PREX1: variants seen among roughly 807,000 people sequenced by gnomAD.
The protein encoded by PREX1 is phosphatidylinositol 3,4,5-trisphosphate-dependent Rac exchanger 1 protein.
Under a neutral mutation model 198.3 loss-of-function variants are expected in PREX1, and 41 were observed. The observed-to-expected ratio is 0.21, with a 90% CI of 0.16 to 0.27. The LOEUF is 0.27. PREX1 is among the 10% of genes least tolerant of loss of function. PREX1 has a pLI of 1.00. For synonymous variants in PREX1, 843 were observed against 887.2 expected, an observed-to-expected ratio of 0.95 and a Z score of 0.89; for missense variants, 1,620 against 2,200.7, an observed-to-expected ratio of 0.74 and a Z score of 5.28.
At chr20:48,737,215 C>CAAAAAAAAA (rs140010281) in intron 3 of PREX1, among the ~76,000 whole-genome samples, 1 of 35,262 alleles carries the variant, frequency 2.8e-5, no homozygotes, top group Non-Finnish European at 5.1e-5. Flanking sequence ...GTTTTGACAG[C>CAAAAAAAAA]AAAAAAAAAA....
intron 11 of PREX1, among the ~76,000 whole-genome samples, chr20:48,680,589 T>C (rs2089743160): frequency 1.3e-5 from 2 of 152,098 alleles, no homozygotes; most frequent in Admixed American, 6.6e-5. Context: ...CTCCCTGCTA[T>C]TCCCTGCACA....
intron 1 of PREX1, among the ~76,000 whole-genome samples, chr20:48,749,135 G>A (rs919641674): frequency 6.6e-6 from 1 of 152,108 alleles, no homozygotes; most frequent in Non-Finnish European, 1.5e-5. Context: ...AGCACCTAAG[G>A]GAGACCGAGG....
At chr20:48,762,040 T>C (rs2090182819) in intron 1 of PREX1, among the ~76,000 whole-genome samples, 1 of 152,200 alleles carries the variant, frequency 6.6e-6, no homozygotes, top group Non-Finnish European at 1.5e-5. Context: ...TGTGAACACC[T>C]GAGTGTGAGA....
chr20:48,827,780 G>A lies in PREX1; in HGVS notation c.81C>T (p.Ala27=), dbSNP rs1304347957. 2 of 1,142,314 alleles carry A rather than the reference G, an allele frequency of 1.8e-6. No homozygotes were observed. Among genetic ancestry groups the A allele is most frequent in the African/African-American group, 3.3e-5 (2 of 60,424 alleles). The allele number at this position is 1,142,314 out of a possible 1,614,324, so 70.8% of individuals were successfully genotyped here. A position where few individuals can be genotyped will look rare whatever the true frequency, so the allele number is the denominator to read the frequency against. ...GGCCGGGGCCGGAGCTGGGCGCCGC[G>A]GCGCCAGGGGCCCGGGGGTCCGGGT... ...CAHPDPRAPG[A]AAPSSGPGPC... The change falls in exon 1 of 40, where the codon GCC becomes GCT. Residue 27 remains alanine (A), a synonymous_variant. Transcript: ENST00000371941. The surrounding 1 kb of genome is among the most constrained non-coding windows in gnomAD (Gnocchi z 4.1).
At position 48,651,420 on chromosome 20, in the gene PREX1, G is replaced by A. The variant is rs143006779; in HGVS notation, c.2631C>T (p.Arg877=). The A allele has an allele frequency of 5.5e-5, 89 of 1,610,222 alleles. No individual in the cohort carries two copies. In the African/African-American group the frequency reaches 7.7e-4, roughly 14 times the overall value. ...CCTTGGCGGTGAGGCCGAAGCAGCC[G>A]CGGGGCTCCACGATCTTCTCCAGCA... ...CHVLEKIVEP[R]GCFGLTAKIL... The change falls in exon 22 of 40, where the codon CGC becomes CGT. Residue 877 remains arginine (R), a synonymous_variant. Coordinates refer to ENST00000371941, the MANE Select transcript of PREX1 (RefSeq NM_020820.4).
At chr20:48,769,810 C>A (rs1555139) in intron 1 of PREX1, among the ~76,000 whole-genome samples, 1 of 152,076 alleles carries the variant, frequency 6.6e-6, no homozygotes, top group East Asian at 1.9e-4. Context: ...GCAGCCCAGC[C>A]CTCTAATTTT....
At chr20:48,722,038 T>C (rs1191491606) in intron 5 of PREX1, among the ~76,000 whole-genome samples, 2 of 152,046 alleles carry the variant, frequency 1.3e-5, no homozygotes, top group East Asian at 3.9e-4. Flanking sequence ...GACACTCAAA[T>C]GCAGAAACTC....
chr20:48,816,703 C>A (rs116975907), intron 1 of PREX1, among the ~76,000 whole-genome samples: 1 of 152,042 alleles, frequency 6.6e-6, no homozygotes, highest in Non-Finnish European at 1.5e-5. Flanking sequence ...ATGGGGACCC[C>A]GGCTCCACAA....
chr20:48,656,634 C>T (rs759415710), intron 18 of PREX1: 33 of 441,384 alleles, frequency 7.5e-5, no homozygotes, highest in Admixed American at 1.7e-4. Context: ...CACCCCGACT[C>T]GCAGTGACGT....
the PREX1 span, among the ~76,000 whole-genome samples, chr20:48,884,136 C>T: frequency 1.2e-5 from 1 of 80,312 alleles, no homozygotes; most frequent in African/African-American, 4.1e-5. Context: ...AAAACTCCGT[C>T]TAAAAAAAAA....
chr20:48,770,097 T>G (rs2090228391), intron 1 of PREX1, among the ~76,000 whole-genome samples: 1 of 152,184 alleles, frequency 6.6e-6, no homozygotes, highest in African/African-American at 2.4e-5. Context: ...TCTTTACCAA[T>G]TAAAAAGAAC....
intron 35 of PREX1, among the ~76,000 whole-genome samples, chr20:48,631,794 C>A (rs562139637): frequency 5.9e-5 from 9 of 152,158 alleles, no homozygotes; most frequent in Admixed American, 4.6e-4. Flanking sequence ...AGCTGCCTCC[C>A]AGAACCTGTG....
At chr20:48,680,797 T>C (rs775500731) in intron 11 of PREX1, among the ~76,000 whole-genome samples, 11 of 152,110 alleles carry the variant, frequency 7.2e-5, no homozygotes, top group Non-Finnish European at 1.0e-4. Flanking sequence ...CTAGCACCTA[T>C]CATGTTTTAC....
At chr20:48,719,197 A>G (rs1404448044) in intron 5 of PREX1, among the ~76,000 whole-genome samples, 1 of 152,200 alleles carries the variant, frequency 6.6e-6, no homozygotes, top group Non-Finnish European at 1.5e-5. Flanking sequence ...CACACAGTAC[A>G]AGAGAAAGTA....
intron 14 of PREX1, among the ~76,000 whole-genome samples, chr20:48,671,610 C>CTGTG: frequency 6.6e-6 from 1 of 152,198 alleles, no homozygotes; most frequent in Non-Finnish European, 1.5e-5. Context: ...AAAAAATACC[C>CTGTG]TCCCGCCCTA....
chr20:48,797,213 T>C (rs1460969998), intron 1 of PREX1, among the ~76,000 whole-genome samples: 1 of 151,832 alleles, frequency 6.6e-6, no homozygotes, highest in Non-Finnish European at 1.5e-5. Flanking sequence ...CCCTGAGAGG[T>C]GGCCAAGCTA....
chr20:48,795,084 T>C (rs539080435), intron 1 of PREX1, among the ~76,000 whole-genome samples: 3 of 152,214 alleles, frequency 2.0e-5, no homozygotes, highest in Non-Finnish European at 4.4e-5. Context: ...ATGTGTCATG[T>C]ATGTATTTGA....
At chr20:48,885,866 T>C in the PREX1 span, among the ~76,000 whole-genome samples, 13 of 152,074 alleles carry the variant, frequency 8.5e-5, no homozygotes, top group Non-Finnish European at 1.9e-4. Context: ...GGCAAAACTA[T>C]GGGGACTGTA....
chr20:48,675,632 T>C (rs1389310367), intron 14 of PREX1, among the ~76,000 whole-genome samples: 1 of 150,426 alleles, frequency 6.6e-6, no homozygotes, highest in Non-Finnish European at 1.5e-5. Flanking sequence ...GAGTGGAGAG[T>C]TGAATGGGAA....
Sources: allele counts gnomAD v4.1 joint callset (sites outside exome capture counted in the v4.1 genomes callset), GRCh38; gene constraint gnomAD v4.1.1; non-coding constraint Gnocchi (gnomAD v3.1); transcripts MANE v1.5; gene names NCBI Gene and HGNC (gene_info 2026-07-23, HGNC 2026-07-21).